Variants in SEMA4F observed in about 807,000 individuals in gnomAD.
SEMA4F encodes the protein semaphorin-4F.
Under a neutral mutation model 78.4 loss-of-function variants are expected in SEMA4F, and 51 were observed. The observed-to-expected ratio is 0.65, with a 90% CI of 0.52 to 0.82. The LOEUF is 0.82. Among genes scored for constraint, SEMA4F ranks in the 40% least tolerant of loss-of-function variants. The pLI, the probability that SEMA4F is intolerant of heterozygous loss-of-function variation, is 0.00. For missense variants in SEMA4F, 938 were observed against 1,014.4 expected (o/e 0.92, Z 1.02); for synonymous variants, 418 against 408.7 (o/e 1.02, Z -0.27).
the SEMA4F span, among the ~76,000 whole-genome samples, chr2:74,706,187 T>C: frequency 6.6e-6 from 1 of 152,216 alleles, no homozygotes; most frequent in Non-Finnish European, 1.5e-5. Context: ...TTTACCATAA[T>C]TGCATGGGAT....
the SEMA4F span, among the ~76,000 whole-genome samples, chr2:74,702,960 T>C: frequency 6.6e-6 from 1 of 152,226 alleles, no homozygotes; most frequent in South Asian, 2.1e-4. Context: ...GGTGGTTCAC[T>C]TCATAAATCT....
At chr2:74,663,047 C>T (rs933654639) in intron 5 of SEMA4F, among the ~76,000 whole-genome samples, 1 of 152,170 alleles carries the variant, frequency 6.6e-6, no homozygotes, top group African/African-American at 2.4e-5. Context: ...TCCTCTGCAC[C>T]TCTAGTGTAA....
At chr2:74,698,837 C>G in the SEMA4F span, among the ~76,000 whole-genome samples, 6 of 152,204 alleles carry the variant, frequency 3.9e-5, no homozygotes, top group South Asian at 1.2e-3. Context: ...TTCAGAGGGT[C>G]AGGGCCCCCA....
At chr2:74,698,856 C>G in the SEMA4F span, among the ~76,000 whole-genome samples, 1 of 152,206 alleles carries the variant, frequency 6.6e-6, no homozygotes, top group Non-Finnish European at 1.5e-5. Context: ...CAACAGCAAA[C>G]CAATGCCCAA....
chr2:74,679,414 A>T, intron 13 of SEMA4F, 80 bp downstream of exon 13: 4 of 1,490,686 alleles, frequency 2.7e-6, no homozygotes, highest in Non-Finnish European at 3.7e-6. Flanking sequence ...TTTTGGAACG[A>T]TTCTAAACCT....
At chr2:74,693,874 A>G in the SEMA4F span, among the ~76,000 whole-genome samples, 1 of 151,972 alleles carries the variant, frequency 6.6e-6, no homozygotes. Context: ...GTAGTGATAG[A>G]TATTTGAGGT....
intron 3 of SEMA4F, 54 bp from the exon 4 acceptor site, chr2:74,657,799 A>G (rs946220541): frequency 1.3e-6 from 2 of 1,535,998 alleles, no homozygotes; most frequent in African/African-American, 1.4e-5. Flanking sequence ...ACGTTACCTT[A>G]CCCTTCCTCG....
At position 74,673,790 on chromosome 2, in the gene SEMA4F, G is replaced by A. The variant is rs367935567; in HGVS notation, c.784G>A (p.Glu262Lys). The change falls in exon 7 of 14, where the codon GAG (glutamate) becomes AAG (lysine). Residue 262 changes from glutamate to lysine, a missense_variant. By Grantham distance (56) the Glu-to-Lys change is moderately conservative. Coordinates refer to ENST00000357877, the MANE Select transcript of SEMA4F (RefSeq NM_004263.5). ...TETSRAFDSY[E>K]RIKVPRVARV... ...GACTTCCCGAGCATTTGACTCATAC[G>A]AGCGCATTAAAGTCCCACGGGTGGC... 1.7e-5 allele frequency: 28 copies of A among 1,614,060 alleles called. No individual in the cohort carries two copies. Among genetic ancestry groups the A allele is most frequent in the Admixed American group, 3.3e-5 (2 of 60,012 alleles).
intron 5 of SEMA4F, among the ~76,000 whole-genome samples, chr2:74,669,499 C>T (rs1250051183): frequency 2.0e-5 from 3 of 151,576 alleles, no homozygotes; most frequent in Admixed American, 6.6e-5. Context: ...GCAGGAGAAT[C>T]GCTTGAACCT....
At chr2:74,674,011 A>G (rs1044204902) in intron 7 of SEMA4F, among the ~76,000 whole-genome samples, 183 bp downstream of exon 7, 10 of 152,176 alleles carry the variant, frequency 6.6e-5, no homozygotes, top group African/African-American at 7.2e-5. Flanking sequence ...GACACGCACA[A>G]TTACCCTTGT....
At chr2:74,657,776 T>G in intron 3 of SEMA4F, 77 bp from the exon 4 acceptor site, 1 of 1,452,614 alleles carries the variant, frequency 6.9e-7, no homozygotes, top group South Asian at 1.1e-5. Context: ...CAAAGCTGCA[T>G]CTAACTGTCC....
chr2:74,686,218 G>T (rs1186606389), downstream of SEMA4F, among the ~76,000 whole-genome samples: 1 of 151,892 alleles, frequency 6.6e-6, no homozygotes, highest in African/African-American at 2.4e-5. Context: ...TCCTGGCTTA[G>T]CCTCCCGAGT....
At chr2:74,664,414 T>C (rs1054632392) in intron 5 of SEMA4F, among the ~76,000 whole-genome samples, 1 of 151,380 alleles carries the variant, frequency 6.6e-6, no homozygotes, top group African/African-American at 2.5e-5. Flanking sequence ...TTTGCTAGTA[T>C]CCATATGACT....
downstream of SEMA4F, among the ~76,000 whole-genome samples, chr2:74,684,491 G>T (rs1685768454): frequency 6.6e-6 from 1 of 152,128 alleles, no homozygotes; most frequent in African/African-American, 2.4e-5. Flanking sequence ...TGATTGTAGA[G>T]AAAGGAAAAG....
Position 74,654,313 on chromosome 2 carries a change from T to C in SEMA4F, c.-64T>C. On this transcript the variant is annotated 5_prime_UTR_variant, in exon 1 of 14. Transcript: ENST00000357877. ...AGGACCCGAGTGGGGCCGAGGCCAG[T>C]AGCCCCGGGGCCCTGAGCAGAGGCC... 2 of 1,378,042 alleles carry C rather than the reference T, an allele frequency of 1.5e-6. No individual in the cohort carries two copies. Among genetic ancestry groups the C allele is most frequent in the Non-Finnish European group, 1.9e-6 (2 of 1,072,174 alleles). The allele number at this position is 1,378,042 out of a possible 1,614,324, so 85.4% of individuals were successfully genotyped here. A position where few individuals can be genotyped will look rare whatever the true frequency, so the allele number is the denominator to read the frequency against.
At chr2:74,662,541 G>A (rs573215175) in intron 4 of SEMA4F, among the ~76,000 whole-genome samples, 191 bp from the exon 5 acceptor site, 1 of 152,260 alleles carries the variant, frequency 6.6e-6, no homozygotes. Flanking sequence ...GGATAGCAGA[G>A]ATGAGAAATG....
rs745379063 is a variant in SEMA4F at position 74,675,380 on chromosome 2, G to C, written c.1368G>C (p.Gly456=). ...AAGAGTATGATGTGCTCTACCTGGG[G>C]ACAGGTATATTTAATGGTCAAGCAG... The part of the protein sequence containing the change: ...SGKEYDVLYL[G]TEDGHLHRAV... Residue 456 remains glycine, a synonymous_variant, in exon 10 of 14, where the codon GGG becomes GGC. Coordinates refer to ENST00000357877, the MANE Select transcript of SEMA4F (RefSeq NM_004263.5). 6.2e-7 allele frequency: 1 copy of C among 1,612,326 alleles called. No individual in the cohort carries two copies. The highest frequency in any genetic ancestry group is 1.7e-5 in the Admixed American group (1 of 59,852).
At chr2:74,668,785 A>G (rs1172363321) in intron 5 of SEMA4F, among the ~76,000 whole-genome samples, 1 of 151,896 alleles carries the variant, frequency 6.6e-6, no homozygotes, top group Non-Finnish European at 1.5e-5. Context: ...ATGCACTGCC[A>G]TGCCCAGCTA....
In SEMA4F at chr2:74,673,442, C is replaced by T. The variant is rs750493280; in HGVS notation, c.551-15C>T. 2 of 1,613,530 alleles carry T rather than the reference C, an allele frequency of 1.2e-6. No homozygotes were observed. On this transcript the variant is annotated splice_polypyrimidine_tract_variant and intron_variant, in intron 5 of 13. Coordinates refer to ENST00000357877, the MANE Select transcript of SEMA4F (RefSeq NM_004263.5). ...TGGGTCCCTGATAGCCCATCTCCTCCCTGTCGCCCTGCAGGGGGGGTCCTC... is the reference window on the plus strand; with the variant it reads ...TGGGTCCCTGATAGCCCATCTCCTCTCTGTCGCCCTGCAGGGGGGGTCCTC...
Sources: gnomAD v4.1 joint callset for allele counts (sites outside exome capture counted in the v4.1 genomes callset) on GRCh38, gnomAD v4.1.1 for gene constraint, MANE v1.5 for transcripts, NCBI Gene and HGNC (gene_info 2026-07-23, HGNC 2026-07-21) for gene names.